The following KDM4C variants were observed in gnomAD, a reference collection of about 807,000 sequenced individuals.
The protein encoded by KDM4C is lysine-specific demethylase 4C.
A neutral mutation model predicts 129.3 loss-of-function variants in KDM4C; 81 were observed. The observed-to-expected ratio is 0.63, with a 90% confidence interval of 0.52 to 0.75. The LOEUF is 0.75. KDM4C is among the 30% of genes least tolerant of loss of function. The pLI is 0.00. For missense variants in KDM4C, 1,457 were observed against 1,304.0 expected (o/e 1.12, Z -1.81); for synonymous variants, 573 against 456.1 (o/e 1.26, Z -3.26).
At chr9:6,770,978 A>G (rs1397389784) in intron 1 of KDM4C, among the ~76,000 whole-genome samples, 1 of 144,842 alleles carries the variant, frequency 6.9e-6, no homozygotes, top group African/African-American at 2.6e-5. Flanking sequence ...GTTTCACCAT[A>G]TTGGCCAAGC....
At chr9:6,747,138 A>G (rs1817908628) in intron 1 of KDM4C, among the ~76,000 whole-genome samples, 1 of 151,730 alleles carries the variant, frequency 6.6e-6, no homozygotes, top group African/African-American at 2.4e-5. Flanking sequence ...GGCTGCCATG[A>G]GCCAAGATCA....
At chr9:6,884,959 C>G (rs1845034934) in intron 6 of KDM4C, among the ~76,000 whole-genome samples, 1 of 152,192 alleles carries the variant, frequency 6.6e-6, no homozygotes. Context: ...CACATCCACT[C>G]TATTTCAAAA....
At chr9:7,114,138 A>G (rs1838638516) in intron 18 of KDM4C, among the ~76,000 whole-genome samples, 1 of 152,168 alleles carries the variant, frequency 6.6e-6, no homozygotes, top group African/African-American at 2.4e-5. Context: ...AGGGGCTGCT[A>G]CCATACTACT....
chr9:6,972,830 C>A (rs1198163595), intron 8 of KDM4C, among the ~76,000 whole-genome samples: 1 of 152,156 alleles, frequency 6.6e-6, no homozygotes, highest in Non-Finnish European at 1.5e-5. Flanking sequence ...TCCCCATATT[C>A]TTCCTGATTG....
intron 8 of KDM4C, among the ~76,000 whole-genome samples, chr9:6,970,086 G>A (rs968866640): frequency 1.3e-5 from 2 of 152,208 alleles, no homozygotes; most frequent in African/African-American, 4.8e-5. Flanking sequence ...TTACATGCCT[G>A]AGTTTGGGGG....
intron 1 of KDM4C, among the ~76,000 whole-genome samples, chr9:6,765,386 T>C (rs13287326): frequency 0.11 from 17,044 of 152,202 alleles, 1,200 homozygotes; most frequent in African/African-American, 0.19. Context: ...ACCTGACCTG[T>C]TACTCATTTC....
chr9:6,914,015 T>C (rs1266202875), intron 8 of KDM4C, among the ~76,000 whole-genome samples: 3 of 152,236 alleles, frequency 2.0e-5, no homozygotes, highest in Non-Finnish European at 2.9e-5. Context: ...TTGTTTGCAG[T>C]TGAAAGCCTG....
intron 3 of KDM4C, among the ~76,000 whole-genome samples, chr9:6,813,557 T>A (rs889400384): frequency 6.6e-6 from 1 of 152,156 alleles, no homozygotes; most frequent in African/African-American, 2.4e-5. Context: ...CCAGTATGCT[T>A]TATAGGGATT....
chr9:6,728,765 G>C (rs1364232652), intron 1 of KDM4C, among the ~76,000 whole-genome samples: 1 of 151,852 alleles, frequency 6.6e-6, no homozygotes, highest in Non-Finnish European at 1.5e-5. Context: ...AGAATCGCCT[G>C]AACCCGGGAA....
At chr9:7,034,161 G>A (rs1827245201) in intron 15 of KDM4C, among the ~76,000 whole-genome samples, 1 of 152,020 alleles carries the variant, frequency 6.6e-6, no homozygotes, top group South Asian at 2.1e-4. Context: ...TAGTGATCAG[G>A]GCAATTAACA....
In KDM4C at chr9:7,052,909, G is replaced by GAGAGA. The variant is rs767668455; in HGVS notation, c.2424+3709_2424+3710insAGAGA. On this transcript the variant is annotated intron_variant, in intron 17 of 21. Coordinates refer to ENST00000381309, the MANE Select transcript of KDM4C (RefSeq NM_015061.6). ...AGAGAGAGAGAGAGAGAGCGAGCGA[G>GAGAGA]TGCCCAAGGGATGACAATAGAGCAT... Among the ~76,000 whole-genome samples, 3 of 100,150 alleles carry GAGAGA rather than the reference G, an allele frequency of 3.0e-5. 1 individual carries two copies. Among genetic ancestry groups the GAGAGA allele is most frequent in the African/African-American group, 4.9e-5 (1 of 20,480 alleles). 65.7% of individuals were successfully genotyped at this position (100,150 alleles called of 152,430 possible). A position where few individuals can be genotyped will look rare whatever the true frequency, so the allele number is the denominator to read the frequency against.
intron 20 of KDM4C, among the ~76,000 whole-genome samples, chr9:7,169,217 T>G (rs1190875750): frequency 1.3e-5 from 2 of 152,228 alleles, no homozygotes; most frequent in African/African-American, 4.8e-5. Context: ...TTCCATTTGA[T>G]CAGCAGCTAC....
chr9:7,040,367 C>T (rs1364588828), intron 15 of KDM4C, among the ~76,000 whole-genome samples: 3 of 70,236 alleles, frequency 4.3e-5, no homozygotes, highest in Non-Finnish European at 8.7e-5. Flanking sequence ...CTCTACCCCA[C>T]TCTGTGTGTG....
chr9:6,944,044 T>C (rs1295733125), intron 8 of KDM4C, among the ~76,000 whole-genome samples: 7 of 152,234 alleles, frequency 4.6e-5, no homozygotes, highest in Non-Finnish European at 4.4e-5. Context: ...TCCTTCTGGT[T>C]AGCTTAAATT....
At position 6,758,289 on chromosome 9, in the gene KDM4C, A is replaced by C. The variant is rs1818667021; in HGVS notation, c.-18+86A>C. 2.4e-6 allele frequency: 2 copies of C among 839,386 alleles called. No individual in the cohort carries two copies. Among genetic ancestry groups the C allele is most frequent in the Non-Finnish European group, 2.9e-6 (2 of 698,062 alleles). 52.0% of individuals were successfully genotyped at this position (839,386 alleles called of 1,614,324 possible). A position where few individuals can be genotyped will look rare whatever the true frequency, so the allele number is the denominator to read the frequency against. On this transcript the variant is annotated intron_variant, in intron 1 of 21. Coordinates refer to ENST00000381309, the MANE Select transcript of KDM4C (RefSeq NM_015061.6). This position sits in a 1 kb window ranked among gnomAD's most constrained non-coding sequence, Gnocchi z 4.6. ...GGCACTGCCCCCCTCCGCGTGGGGC[A>C]CGGGGGTGCGGGCGTCCGGGCGAGC... is the stretch of plus-strand genomic sequence containing the variant.
At position 6,758,249 on chromosome 9, in the gene KDM4C, C is replaced by T. The variant is rs935698601; in HGVS notation, c.-18+46C>T. ...TGGGGGCCAGGGCGGGGGGAGGGTC[C>T]GGAGAGGTCTTCCCGGCACTGCCCC... On this transcript the variant is annotated intron_variant, in intron 1 of 21. Transcript: ENST00000381309. The surrounding 1 kb of genome is among the most constrained non-coding windows in gnomAD (Gnocchi z 4.6). The T allele has an allele frequency of 1.0e-6, 1 of 970,996 alleles. No individual in the cohort carries two copies. The highest frequency in any genetic ancestry group is 1.1e-4 in the East Asian group (1 of 8,708). 60.1% of individuals were successfully genotyped at this position (970,996 alleles called of 1,614,324 possible).
At chr9:6,796,180 C>T (rs1827717085) in intron 2 of KDM4C, among the ~76,000 whole-genome samples, 1 of 152,166 alleles carries the variant, frequency 6.6e-6, no homozygotes, top group Admixed American at 6.5e-5. Context: ...GTGTGGGGCT[C>T]ACGCCTGCAA....
intron 8 of KDM4C, among the ~76,000 whole-genome samples, chr9:6,918,142 A>G (rs562345511): frequency 6.6e-6 from 1 of 152,270 alleles, no homozygotes; most frequent in African/African-American, 2.4e-5. Flanking sequence ...ATAGTACCCA[A>G]AAGGTAGCTT....
At chr9:6,765,058 A>G (rs72699622) in intron 1 of KDM4C, among the ~76,000 whole-genome samples, 14,722 of 152,134 alleles carry the variant, frequency 0.097, 827 homozygotes, top group Non-Finnish European at 0.11. Context: ...TCCACCTCCA[A>G]TGCATTATCC....
Sources: allele counts gnomAD v4.1 joint callset (sites outside exome capture counted in the v4.1 genomes callset), GRCh38; gene constraint gnomAD v4.1.1; non-coding constraint Gnocchi (gnomAD v3.1); transcripts MANE v1.5; gene names NCBI Gene and HGNC (gene_info 2026-07-23, HGNC 2026-07-21).